KNTC1: variants seen among roughly 807,000 people sequenced by gnomAD.
KNTC1 encodes the protein kinetochore-associated protein 1.
KNTC1 carries 253 observed loss-of-function variants against 314.4 expected under a neutral mutation model. The observed-to-expected ratio is 0.80, with a 90% CI of 0.73 to 0.89. KNTC1 has a LOEUF of 0.89. KNTC1 is among the 40% of genes least tolerant of loss of function. The pLI is 0.00. For missense variants in KNTC1, 2,475 were observed against 2,572.9 expected (o/e 0.96, Z 0.82); for synonymous variants, 901 against 901.4 (o/e 1.00, Z 0.01).
At position 122,547,000 on chromosome 12, in the gene KNTC1, T is replaced by C. The variant is rs546659093; in HGVS notation, c.816+326T>C. 7.2e-4 allele frequency among the ~76,000 whole-genome samples: 107 copies of C among 149,604 alleles called. 1 individual carries two copies. The highest frequency in any genetic ancestry group is 1.1e-3 in the Non-Finnish European group (71 of 67,452). ...GGCGCCCATCACCACGCCCGGCTAATTTTTTGTATTTTTAGTAGAGACGGG... is the reference window on the plus strand; with the variant it reads ...GGCGCCCATCACCACGCCCGGCTAACTTTTTGTATTTTTAGTAGAGACGGG... On this transcript the variant is annotated intron_variant, in intron 10 of 63. Transcript: ENST00000333479.
intron 56 of KNTC1, 88 bp from the exon 57 acceptor site, chr12:122,615,382 T>A (rs912739680): frequency 3.5e-5 from 40 of 1,146,408 alleles, no homozygotes; most frequent in Non-Finnish European, 4.7e-5. Flanking sequence ...TACCAGTACT[T>A]CTTCTGGAAC....
chr12:122,543,530 C>A, intron 6 of KNTC1, 70 bp from the exon 7 acceptor site: 1 of 1,157,048 alleles, frequency 8.6e-7, no homozygotes, highest in Non-Finnish European at 1.2e-6. Context: ...CACCTTGACA[C>A]AAAACAGGTG....
chr12:122,592,699 G>A (rs1870438729), intron 42 of KNTC1: 2 of 152,070 alleles, frequency 1.3e-5, no homozygotes. Flanking sequence ...TCTAGCTCAG[G>A]GATTGTAAAC....
chr12:122,568,338 T>G lies in KNTC1; in HGVS notation c.1682T>G (p.Leu561Arg). ...DIFLQLKEGN[L>R]VCAQYLWLRH... ...TTTTTACAGCTAAAAGAAGGAAACC[T>G]TGTTTGTGCACAGTATCTTTGGCTT... Residue 561 changes from leucine (L) to arginine (R), a missense_variant, in exon 21 of 64, where the codon CTT (leucine) becomes CGT (arginine). Physicochemically the swap from Leu to Arg is moderately radical, Grantham distance 102. Transcript: ENST00000333479. 1 of 1,601,184 alleles carries G rather than the reference T, an allele frequency of 6.2e-7. No homozygotes were observed. Among genetic ancestry groups the G allele is most frequent in the East Asian group, 2.2e-5 (1 of 44,792 alleles).
rs766798783 is a variant in KNTC1 at position 122,597,714 on chromosome 12, T to C, written c.4356-17T>C. 30 of 1,610,436 alleles carry C rather than the reference T, an allele frequency of 1.9e-5. No individual in the cohort carries two copies. The East Asian group carries it at 6.0e-4, about 32-fold the overall frequency. ...CTGCAGTTTGGGAGACTGGTGTGTA[T>C]TGAATGCTTCTTTTAGCACATTTCA... On this transcript the variant is annotated splice_polypyrimidine_tract_variant and intron_variant, in intron 43 of 63. Coordinates refer to ENST00000333479, the MANE Select transcript of KNTC1 (RefSeq NM_014708.6).
chr12:122,568,481 T>C, intron 21 of KNTC1, 109 bp downstream of exon 21: 1 of 745,612 alleles, frequency 1.3e-6, no homozygotes, highest in South Asian at 1.5e-5. Flanking sequence ...GATGGGATGT[T>C]TTTTGATTGG....
chr12:122,537,829 T>C (rs1961963016), intron 3 of KNTC1, among the ~76,000 whole-genome samples: 2 of 152,178 alleles, frequency 1.3e-5, no homozygotes, highest in Admixed American at 6.6e-5. Context: ...ATATAGTAAG[T>C]GCTCAGTAAA....
intron 61 of KNTC1, 114 bp downstream of exon 61, chr12:122,622,084 A>G (rs1423892910): frequency 6.3e-6 from 5 of 795,470 alleles, no homozygotes; most frequent in South Asian, 4.9e-5. Context: ...TTGTTTATGT[A>G]TAGAATTATT....
chr12:122,530,200 T>C lies in KNTC1; in HGVS notation c.129+8T>C. ...AAGATCTCTTCTGAAAAGGTAGTGA[T>C]TATTACACTGACTGTTTCATTCACA... On this transcript the variant is annotated splice_region_variant and intron_variant, in intron 2 of 63. Transcript: ENST00000333479. 3 of 1,611,402 alleles carry C rather than the reference T, an allele frequency of 1.9e-6. No homozygotes were observed. Among genetic ancestry groups the C allele is most frequent in the Non-Finnish European group, 2.5e-6 (3 of 1,178,370 alleles).
intron 43 of KNTC1, among the ~76,000 whole-genome samples, chr12:122,594,844 C>T (rs1870803273): frequency 6.6e-6 from 1 of 152,072 alleles, no homozygotes; most frequent in African/African-American, 2.4e-5. Flanking sequence ...TTTCTAATTT[C>T]CTATTAAAAA....
At chr12:122,555,146 G>A (rs1347175384) in intron 16 of KNTC1, among the ~76,000 whole-genome samples, 1 of 152,038 alleles carries the variant, frequency 6.6e-6, no homozygotes, top group Non-Finnish European at 1.5e-5. Flanking sequence ...TGTAAAATGG[G>A]GATATTAGTA....
In KNTC1 at chr12:122,577,027, C is replaced by G; in HGVS notation, c.2719C>G (p.Gln907Glu). Residue 907 changes from glutamine to glutamate, a missense_variant and splice_region_variant, in exon 30 of 64, where the codon CAG (glutamine) becomes GAG (glutamate). By Grantham distance (29) the Gln-to-Glu change is conservative (BLOSUM62 2). Coordinates refer to ENST00000333479, the MANE Select transcript of KNTC1 (RefSeq NM_014708.6). ...LRIIDLIDRE[Q>E]GEDCLLLLKS... ...AATTATTGACCTGATTGATAGAGAA[C>G]AGGTTTGTAAGTTTTATGTTGTCAT... 2.0e-6 allele frequency: 3 copies of G among 1,520,794 alleles called. No individual in the cohort carries two copies. The highest frequency in any genetic ancestry group is 2.6e-6 in the Non-Finnish European group (3 of 1,137,806). 94.2% of individuals were successfully genotyped at this position (1,520,794 alleles called of 1,614,324 possible).
chr12:122,547,994 T>C, intron 12 of KNTC1, 25 bp downstream of exon 12: 1 of 1,451,470 alleles, frequency 6.9e-7, no homozygotes, highest in Non-Finnish European at 9.3e-7. Flanking sequence ...TATTTTGTGC[T>C]TGCCTATATT....
rs12315377 is a variant in KNTC1, at chr12:122,621,828, G to T, written c.6280-53G>T. ...AAATACCTGATCAACGGCTCTTGCT[G>T]TTGGAATAAATAATAACAATTTTCT... On this transcript the variant is annotated intron_variant, in intron 60 of 63. Coordinates refer to ENST00000333479, the MANE Select transcript of KNTC1 (RefSeq NM_014708.6). 27,427 of 1,206,098 alleles carry T rather than the reference G, an allele frequency of 0.023. 4,227 individuals carry two copies. The African/African-American group carries it at 0.35, about 15-fold the overall frequency. The allele number at this position is 1,206,098 out of a possible 1,614,324, so 74.7% of individuals were successfully genotyped here. A position where few individuals can be genotyped will look rare whatever the true frequency, so the allele number is the denominator to read the frequency against.
intron 40 of KNTC1, among the ~76,000 whole-genome samples, chr12:122,589,324 A>G (rs1869813940): frequency 6.6e-6 from 1 of 151,974 alleles, no homozygotes; most frequent in Non-Finnish European, 1.5e-5. Flanking sequence ...ATTTTTTAAA[A>G]GATTCTAATA....
chr12:122,571,406 C>G (rs368912644), intron 24 of KNTC1, among the ~76,000 whole-genome samples: 1 of 152,060 alleles, frequency 6.6e-6, no homozygotes, highest in Admixed American at 6.6e-5. Flanking sequence ...GTTGCCCCAG[C>G]TGGAATGCAG....
chr12:122,621,741 T>C (rs1378612125), intron 60 of KNTC1, 140 bp from the exon 61 acceptor site: 3 of 594,240 alleles, frequency 5.0e-6, no homozygotes, highest in Non-Finnish European at 8.9e-6. Context: ...CATACACTCA[T>C]TCCTTGATGT....
In KNTC1 at chr12:122,544,182, TTTTA is replaced by T; in HGVS notation, c.586_589del (p.Ile196LeufsTer18). On this transcript the variant is annotated frameshift_variant, in exon 8 of 64. Transcript: ENST00000333479. LOFTEE classifies it high-confidence loss of function. ...AGTTACAAGGACAAATCAAGTCCAG[TTTTA>T]TTTCTACTGAAAATTATCATACTCT... is the stretch of plus-strand genomic sequence containing the variant. 6.4e-7 allele frequency: 1 copy of T among 1,569,400 alleles called. No homozygotes were observed. The highest frequency in any genetic ancestry group is 8.6e-7 in the Non-Finnish European group (1 of 1,159,006).
At chr12:122,534,863 CTCT>C in intron 3 of KNTC1, 79 bp downstream of exon 3, 5 of 1,312,780 alleles carry the variant, frequency 3.8e-6, no homozygotes, top group Non-Finnish European at 5.4e-6. Flanking sequence ...GGATTGCCTC[CTCT>C]TTACTCCATT....
Sources: allele counts gnomAD v4.1 joint callset (sites outside exome capture counted in the v4.1 genomes callset), GRCh38; gene constraint gnomAD v4.1.1; transcripts MANE v1.5; gene names NCBI Gene and HGNC (gene_info 2026-07-23, HGNC 2026-07-21).